FAM107B: variants seen among roughly 807,000 people sequenced by gnomAD.
FAM107B encodes protein FAM107B.
In FAM107B, 21 loss-of-function variants were observed where a neutral mutation model predicts 31.5. That is an observed-to-expected ratio of 0.67 (90% confidence interval 0.47 to 0.96). The LOEUF (loss-of-function observed/expected upper bound fraction) is 0.96, where lower values mean the gene tolerates loss of function less well. Ranked by LOEUF, FAM107B falls within the 40% of genes least tolerant of loss-of-function variation. The pLI is 0.00. For missense variants in FAM107B, 452 were observed against 377.1 expected, an observed-to-expected ratio of 1.20 and a Z score of -1.64; for synonymous variants, 157 against 141.5, an observed-to-expected ratio of 1.11 and a Z score of -0.78.
chr10:14,681,496 A>T (rs1229915277), intron 1 of FAM107B, among the ~76,000 whole-genome samples: 1 of 152,172 alleles, frequency 6.6e-6, no homozygotes, highest in East Asian at 1.9e-4. Flanking sequence ...GTAGCCTCTC[A>T]GTCCCTACAT....
intron 2 of FAM107B, among the ~76,000 whole-genome samples, chr10:14,572,642 T>C (rs1438629247): frequency 6.6e-6 from 1 of 150,544 alleles, no homozygotes; most frequent in Non-Finnish European, 1.5e-5. Flanking sequence ...ACCCAGGAGT[T>C]TGAGGCTGTA....
intron 2 of FAM107B, among the ~76,000 whole-genome samples, chr10:14,561,596 G>A (rs1473191600): frequency 1.3e-5 from 2 of 152,156 alleles, no homozygotes; most frequent in South Asian, 2.1e-4. Flanking sequence ...ACCACAGGGG[G>A]GAGGGCAAGG....
intron 1 of FAM107B, among the ~76,000 whole-genome samples, chr10:14,713,785 C>A (rs2131541461): frequency 6.6e-6 from 1 of 151,832 alleles, no homozygotes; most frequent in East Asian, 1.9e-4. Flanking sequence ...AGCCTAAATG[C>A]CCATCAAGAG....
At chr10:14,573,475 C>T (rs571403494) in intron 2 of FAM107B, among the ~76,000 whole-genome samples, 4 of 151,720 alleles carry the variant, frequency 2.6e-5, no homozygotes, top group Admixed American at 6.6e-5. Flanking sequence ...ACCTGTAATC[C>T]CAGCACTTTG....
chr10:14,523,549 A>C (rs72784935), intron 3 of FAM107B, among the ~76,000 whole-genome samples: 18,543 of 152,244 alleles, frequency 0.12, 1,250 homozygotes, highest in Non-Finnish European at 0.16. Flanking sequence ...GATGACTGCT[A>C]ATCTGTAGAC....
At chr10:14,757,333 A>T (rs1211324424) in intron 1 of FAM107B, among the ~76,000 whole-genome samples, 1 of 150,264 alleles carries the variant, frequency 6.7e-6, no homozygotes, top group Non-Finnish European at 1.5e-5. Flanking sequence ...AAAAAAAAAA[A>T]GACTGCAGTG....
intron 2 of FAM107B, among the ~76,000 whole-genome samples, chr10:14,625,649 G>C (rs1853141308): frequency 6.6e-6 from 1 of 152,224 alleles, no homozygotes; most frequent in Admixed American, 6.5e-5. Context: ...TCTCTTGTTA[G>C]AACTGAGCTG....
chr10:14,612,797 A>G (rs1393642746), intron 2 of FAM107B, among the ~76,000 whole-genome samples: 1 of 152,318 alleles, frequency 6.6e-6, no homozygotes, highest in East Asian at 1.9e-4. Context: ...AAGAACAAGT[A>G]AAAAAGACTG....
intron 1 of FAM107B, among the ~76,000 whole-genome samples, chr10:14,722,078 T>C (rs1313468676): frequency 2.6e-5 from 4 of 152,238 alleles, no homozygotes; most frequent in African/African-American, 9.6e-5. Context: ...ATTTTCTAAG[T>C]GTACAATTCA....
intron 2 of FAM107B, chr10:14,604,552 G>C (rs979423742): frequency 2.0e-5 from 3 of 151,640 alleles, no homozygotes; most frequent in African/African-American, 4.8e-5. Flanking sequence ...CAGAAAGGCC[G>C]GGCATCCGCG....
chr10:14,683,119 G>A (rs1225551782), intron 1 of FAM107B, among the ~76,000 whole-genome samples: 2 of 152,142 alleles, frequency 1.3e-5, no homozygotes, highest in Non-Finnish European at 2.9e-5. Flanking sequence ...AGGAATCCAC[G>A]CCATCCGCCT....
At chr10:14,544,823 G>A (rs1182084812) in intron 2 of FAM107B, among the ~76,000 whole-genome samples, 1 of 152,154 alleles carries the variant, frequency 6.6e-6, no homozygotes, top group African/African-American at 2.4e-5. Context: ...AATAATGAAA[G>A]GGAAAATATT....
At chr10:14,531,503 A>G (rs1008436793) in intron 2 of FAM107B, among the ~76,000 whole-genome samples, 3 of 150,350 alleles carry the variant, frequency 2.0e-5, no homozygotes, top group Non-Finnish European at 3.0e-5. Flanking sequence ...CCTGGGTGAC[A>G]GAGCAAGAGC....
At chr10:14,772,362 A>AATATATATATATATATAT (rs1554759098) in intron 1 of FAM107B, among the ~76,000 whole-genome samples, 1 of 145,590 alleles carries the variant, frequency 6.9e-6, no homozygotes, top group African/African-American at 2.6e-5. Context: ...TTAAAAAAAA[A>AATATATATATATATATAT]ATATATATAT....
At chr10:14,709,765 G>C (rs745496873) in intron 1 of FAM107B, among the ~76,000 whole-genome samples, 2 of 152,136 alleles carry the variant, frequency 1.3e-5, no homozygotes, top group African/African-American at 4.8e-5. Flanking sequence ...CAATCAACCC[G>C]TGAAAAGACA....
chr10:14,757,022 G>A (rs1832944904), intron 1 of FAM107B, among the ~76,000 whole-genome samples: 6 of 152,102 alleles, frequency 3.9e-5, no homozygotes, highest in Admixed American at 3.9e-4. Flanking sequence ...GGGTGGAGCA[G>A]GGAGAGGATC....
At chr10:14,527,184 C>CAAAAAAAAAA (rs200742738) in intron 3 of FAM107B, among the ~76,000 whole-genome samples, 1 of 124,384 alleles carries the variant, frequency 8.0e-6, no homozygotes, top group South Asian at 2.6e-4. Context: ...ATCTTTTAAC[C>CAAAAAAAAAA]AAAAAAAAAA....
Position 14,539,027 on chromosome 10 carries a change from C to G in FAM107B, c.470-8512G>C, listed in dbSNP as rs144790263. Among the ~76,000 whole-genome samples, 70 of 152,348 alleles carry G rather than the reference C, an allele frequency of 4.6e-4. No individual in the cohort carries two copies. The East Asian group carries it at 0.012, about 25-fold the overall frequency. ...ACATCTACCATCCACAGTACTTGCC[C>G]ACGTGGCAGATGCTCAACAAAGTAG... On this transcript the variant is annotated intron_variant, in intron 2 of 4. Transcript: ENST00000181796.
chr10:14,656,104 G>A (rs1482842034), intron 2 of FAM107B, among the ~76,000 whole-genome samples: 2 of 152,176 alleles, frequency 1.3e-5, no homozygotes, highest in Admixed American at 6.5e-5. Context: ...CGCTGTGCAG[G>A]AACGACTTTA....
Sources: gnomAD v4.1 joint callset for allele counts (sites outside exome capture counted in the v4.1 genomes callset) on GRCh38, gnomAD v4.1.1 for gene constraint, MANE v1.5 for transcripts, NCBI Gene and HGNC (gene_info 2026-07-23, HGNC 2026-07-21) for gene names.